The following AOX1 variants were observed in gnomAD, a reference collection of about 807,000 sequenced individuals.
AOX1 encodes the protein aldehyde oxidase.
In AOX1, 153 loss-of-function variants were observed where a neutral mutation model predicts 169.5. That is an observed-to-expected ratio of 0.90 (90% confidence interval 0.79 to 1.03). AOX1 has a LOEUF of 1.03. Ranked by LOEUF, AOX1 falls within the 50% of genes least tolerant of loss-of-function variation. The probability of loss-of-function intolerance (pLI) is 0.00; values close to 1 mark genes in which losing one functional copy is unlikely to be tolerated. For synonymous variants in AOX1, 562 were observed against 581.9 expected, an observed-to-expected ratio of 0.97 and a Z score of 0.49; for missense variants, 1,656 against 1,663.9, an observed-to-expected ratio of 1.00 and a Z score of 0.08.
chr2:200,645,151 C>CAATATTATGTTG (rs56244520), intron 25 of AOX1, among the ~76,000 whole-genome samples: 60,025 of 151,484 alleles, frequency 0.4, 13,187 homozygotes, highest in East Asian at 0.79. Flanking sequence ...TTTTCCCATT[C>CAATATTATGTTG]AATATTATGT....
chr2:200,672,180 G>A (rs925594848), downstream of AOX1, among the ~76,000 whole-genome samples: 45 of 152,200 alleles, frequency 3.0e-4, no homozygotes, highest in African/African-American at 1.0e-3. Flanking sequence ...TTCCTTTTCG[G>A]GGTGAGAAAA....
chr2:200,656,716 T>A, intron 26 of AOX1, 126 bp from the exon 27 acceptor site: 2 of 534,770 alleles, frequency 3.7e-6, no homozygotes, highest in Non-Finnish European at 6.0e-6. Context: ...AAACCTAAAA[T>A]GTTGCTCCAC....
chr2:200,599,622 G>A lies in AOX1; in HGVS notation c.312G>A (p.Glu104=). The change falls in exon 5 of 35, where the codon GAG becomes GAA. Residue 104 remains glutamate, a splice_region_variant and synonymous_variant. Coordinates refer to ENST00000374700, the MANE Select transcript of AOX1 (RefSeq NM_001159.4). The part of the protein sequence containing the change: ...STHTRIHPVQ[E]RIAKCHGTQC... ...TTCTAACCTTTCTGTGCTTCCAGGA[G>A]AGGATTGCCAAGTGTCATGGCACCC... 1 of 1,608,652 alleles carries A rather than the reference G, an allele frequency of 6.2e-7. No homozygotes were observed. Among genetic ancestry groups the A allele is most frequent in the Non-Finnish European group, 8.5e-7 (1 of 1,177,702 alleles).
rs1194756518 is a variant in AOX1, at chr2:200,612,786, A to C, written c.1441A>C (p.Ile481Leu). 2 of 1,613,614 alleles carry C rather than the reference A, an allele frequency of 1.2e-6. No homozygotes were observed. The highest frequency in any genetic ancestry group is 3.3e-5 in the Admixed American group (2 of 59,988). ...TGCCAAGAATTCCTGCCAGAAACTC[A>C]TTGGAAGGTAAGGCATTAGAAGTAA... ...ICAKNSCQKL[I>L]GRHWNEQMLD... Residue 481 changes from isoleucine to leucine, a missense_variant, in exon 14 of 35, where the codon ATT (isoleucine) becomes CTT (leucine). Transcript: ENST00000374700.
At chr2:200,593,523 T>C (rs2034217900) in intron 2 of AOX1, among the ~76,000 whole-genome samples, 1 of 152,196 alleles carries the variant, frequency 6.6e-6, no homozygotes, top group African/African-American at 2.4e-5. Flanking sequence ...TAAGGACTAA[T>C]TATTATGCCC....
intron 26 of AOX1, among the ~76,000 whole-genome samples, chr2:200,655,955 G>A (rs2035673499): frequency 6.6e-6 from 1 of 152,196 alleles, no homozygotes; most frequent in Admixed American, 6.5e-5. Context: ...GGTTTATTAA[G>A]TTGACATTGG....
At chr2:200,659,786 TCA>T (rs56916091) in intron 28 of AOX1, among the ~76,000 whole-genome samples, 4,026 of 95,994 alleles carry the variant, frequency 0.042, 104 homozygotes, top group Admixed American at 0.13. Context: ...GTTCTCTCTC[TCA>T]CACACACACA....
In AOX1 at chr2:200,611,448, G is replaced by A. The variant is rs778780453; in HGVS notation, c.1218G>A (p.Lys406=). The A allele has an allele frequency of 1.2e-6, 2 of 1,614,032 alleles. No homozygotes were observed. Among genetic ancestry groups the A allele is most frequent in the Admixed American group, 1.7e-5 (1 of 60,006 alleles). Reference sequence around the variant, plus strand: ...GCAAGTGCCCTAATGCAGATCTTAAGCCTCAAGAAATCTTGGTCTCAGTGA... The same window carrying A: ...GCAAGTGCCCTAATGCAGATCTTAAACCTCAAGAAATCTTGGTCTCAGTGA... ...FLSKCPNADL[K]PQEILVSVNI... Residue 406 remains lysine, a synonymous_variant, in exon 13 of 35, where the codon AAG becomes AAA. Coordinates refer to ENST00000374700, the MANE Select transcript of AOX1 (RefSeq NM_001159.4).
downstream of AOX1, among the ~76,000 whole-genome samples, chr2:200,681,036 G>C (rs1191862124): frequency 6.6e-6 from 1 of 152,194 alleles, no homozygotes; most frequent in Non-Finnish European, 1.5e-5. Flanking sequence ...CCTTTCAGGA[G>C]GAGGGGCAAG....
chr2:200,638,161 G>A, intron 22 of AOX1, 54 bp from the exon 23 acceptor site: 2 of 1,553,646 alleles, frequency 1.3e-6, no homozygotes, highest in Admixed American at 1.7e-5. Context: ...ATAAACCCCA[G>A]AGAATGCCTG....
intron 7 of AOX1, 142 bp from the exon 8 acceptor site, chr2:200,603,875 G>A: frequency 1.6e-6 from 1 of 615,400 alleles, no homozygotes; most frequent in East Asian, 2.9e-5. Context: ...CCCTTGGTTT[G>A]GAGCGCGGGG....
intron 15 of AOX1, among the ~76,000 whole-genome samples, chr2:200,614,497 A>G (rs2105713661): frequency 6.6e-6 from 1 of 152,302 alleles, no homozygotes; most frequent in African/African-American, 2.4e-5. Context: ...AATAGTAGTG[A>G]CAATCCATGC....
intron 25 of AOX1, among the ~76,000 whole-genome samples, chr2:200,645,745 G>A (rs529308517): frequency 7.2e-5 from 11 of 152,014 alleles, no homozygotes; most frequent in South Asian, 2.1e-4. Flanking sequence ...TTTCAATCTC[G>A]CTCTTGTTAT....
downstream of AOX1, among the ~76,000 whole-genome samples, chr2:200,674,886 C>T (rs2036074936): frequency 6.6e-6 from 1 of 152,216 alleles, no homozygotes; most frequent in South Asian, 2.1e-4. Flanking sequence ...GTTTGCCTTT[C>T]CTGCCTGCAA....
At chr2:200,676,614 A>AGAAG (rs1553582554) in intron 4 of AOX1, among the ~76,000 whole-genome samples, 1 of 148,462 alleles carries the variant, frequency 6.7e-6, no homozygotes, top group African/African-American at 2.5e-5. Context: ...AAAAAAAAAA[A>AGAAG]AAGAAGAAGA....
chr2:200,630,929 G>A (rs1029609613), intron 20 of AOX1, among the ~76,000 whole-genome samples: 1 of 152,036 alleles, frequency 6.6e-6, no homozygotes, highest in African/African-American at 2.4e-5. Flanking sequence ...GTTCATCTGT[G>A]CAGTAAACCA....
In AOX1 at chr2:200,650,703, G is replaced by A. The variant is rs539747159; in HGVS notation, c.2848-271G>A. 2.6e-4 allele frequency among the ~76,000 whole-genome samples: 39 copies of A among 152,324 alleles called. 1 individual carries two copies. In the South Asian group the frequency reaches 6.8e-3, roughly 27 times the overall value. ...CTACAGTGTACATGGACTGTGTTGA[G>A]TTATATTGGAACATAAGGTAAAGGT... On this transcript the variant is annotated intron_variant, in intron 25 of 34. Transcript: ENST00000374700.
chr2:200,680,776 C>T (rs139850795), downstream of AOX1, among the ~76,000 whole-genome samples: 726 of 151,920 alleles, frequency 4.8e-3, 3 homozygotes, highest in Middle Eastern at 0.017. Context: ...AAACTCCTGA[C>T]CTCAGGTGAT....
At chr2:200,613,709 C>A (rs1409743980) in intron 14 of AOX1, 95 bp from the exon 15 acceptor site, 1 of 1,235,094 alleles carries the variant, frequency 8.1e-7, no homozygotes, top group Non-Finnish European at 1.1e-6. Context: ...CTCTTATTTC[C>A]TGTATTAAAC....
Sources: allele counts gnomAD v4.1 joint callset (sites outside exome capture counted in the v4.1 genomes callset), GRCh38; gene constraint gnomAD v4.1.1; transcripts MANE v1.5; gene names NCBI Gene and HGNC (gene_info 2026-07-23, HGNC 2026-07-21).